The following WASHC3 variants were observed in gnomAD, a reference collection of about 807,000 sequenced individuals.
WASHC3 encodes WASH complex subunit CCDC53.
Under a neutral mutation model 26.1 loss-of-function variants are expected in WASHC3, and 24 were observed. The ratio of observed to expected loss-of-function variants is 0.92; its 90% CI spans 0.66 to 1.29. The LOEUF is 1.29. Among genes scored for constraint, WASHC3 ranks in the 50% most tolerant of loss-of-function variants. The pLI is 0.00. For missense variants in WASHC3, 214 were observed against 229.6 expected (o/e 0.93, Z 0.44); for synonymous variants, 77 against 75.7 (o/e 1.02, Z -0.09).
At chr12:102,016,982 A>G (rs1269369632) in intron 6 of WASHC3, among the ~76,000 whole-genome samples, 5 of 152,230 alleles carry the variant, frequency 3.3e-5, no homozygotes, top group Non-Finnish European at 7.3e-5. Context: ...ACAGTGGTGT[A>G]TAATAACATC....
At position 102,034,817 on chromosome 12, in the gene WASHC3, A is replaced by AGT. The variant is rs1565815325; in HGVS notation, c.435+5049_435+5050dup. Among the ~76,000 whole-genome samples, 6 of 117,718 alleles carry AGT rather than the reference A, an allele frequency of 5.1e-5. No homozygotes were observed. In the East Asian group the frequency reaches 1.4e-3, roughly 28 times the overall value. The allele number at this position is 117,718 out of a possible 152,430, so 77.2% of individuals were successfully genotyped here. A position where few individuals can be genotyped will look rare whatever the true frequency, so the allele number is the denominator to read the frequency against. ...GTGTGTGTGTGTGTGTGTGTGTGTG[A>AGT]GTATGTAAATACAGCAAATCTGAAA... On this transcript the variant is annotated intron_variant, in intron 5 of 6. Transcript: ENST00000240079.
chr12:102,055,717 T>G (rs1878568449), intron 2 of WASHC3, among the ~76,000 whole-genome samples: 1 of 152,204 alleles, frequency 6.6e-6, no homozygotes, highest in African/African-American at 2.4e-5. Context: ...AAGTTTTTGC[T>G]TTCTTTGTTT....
At chr12:102,055,199 GAA>G (rs752814436) in intron 2 of WASHC3, among the ~76,000 whole-genome samples, 3 of 152,162 alleles carry the variant, frequency 2.0e-5, no homozygotes. Context: ...TATCAGAAAC[GAA>G]AGAGATGTTA....
Position 102,013,055 on chromosome 12 carries a change from A to G in WASHC3, c.*53T>C, listed in dbSNP as rs1055960038. 3.0e-5 allele frequency: 24 copies of G among 802,036 alleles called. No homozygotes were observed. The African/African-American group carries it at 3.3e-4, about 11-fold the overall frequency. 49.7% of individuals were successfully genotyped at this position (802,036 alleles called of 1,614,324 possible). A position where few individuals can be genotyped will look rare whatever the true frequency, so the allele number is the denominator to read the frequency against. Reference sequence around the variant, plus strand: ...AGAGAGTTCAGGCTCAATCTCTTACAGAATGTAAATGTACCCCTATGCATG... The same window carrying G: ...AGAGAGTTCAGGCTCAATCTCTTACGGAATGTAAATGTACCCCTATGCATG... On this transcript the variant is annotated 3_prime_UTR_variant, in exon 7 of 7. Transcript: ENST00000240079.
intron 6 of WASHC3, 142 bp downstream of exon 6, chr12:102,025,832 C>G (rs1468160090): frequency 8.1e-6 from 5 of 616,458 alleles, no homozygotes; most frequent in Admixed American, 3.2e-5. Flanking sequence ...GGTAACATAA[C>G]AGACACACTA....
intron 6 of WASHC3, among the ~76,000 whole-genome samples, chr12:102,016,039 G>A (rs1233449003): frequency 2.0e-5 from 3 of 151,416 alleles, no homozygotes; most frequent in Admixed American, 6.6e-5. Flanking sequence ...ACAGGCATGC[G>A]CCACCACCCC....
chr12:102,025,433 G>A (rs927612800), intron 6 of WASHC3, among the ~76,000 whole-genome samples: 1 of 150,984 alleles, frequency 6.6e-6, no homozygotes, highest in Non-Finnish European at 1.5e-5. Context: ...AATACTTTAA[G>A]GTTAAAAAAA....
chr12:102,052,628 C>T (rs964368484), intron 2 of WASHC3, among the ~76,000 whole-genome samples: 1 of 152,126 alleles, frequency 6.6e-6, no homozygotes, highest in Non-Finnish European at 1.5e-5. Context: ...TTCAGGCCCA[C>T]CCCAGCACCA....
chr12:102,035,306 C>G (rs1406631786), intron 5 of WASHC3, among the ~76,000 whole-genome samples: 3 of 151,906 alleles, frequency 2.0e-5, no homozygotes, highest in Admixed American at 2.0e-4. Flanking sequence ...AACACAAAGG[C>G]CAAAATAAAT....
chr12:102,013,058 A>G lies in WASHC3; in HGVS notation c.*50T>C, dbSNP rs201798893. ...GAGTTCAGGCTCAATCTCTTACAGA[A>G]TGTAAATGTACCCCTATGCATGCAT... On this transcript the variant is annotated 3_prime_UTR_variant, in exon 7 of 7. Transcript: ENST00000240079. 1 of 816,454 alleles carries G rather than the reference A, an allele frequency of 1.2e-6. No individual in the cohort carries two copies. The highest frequency in any genetic ancestry group is 2.0e-6 in the Non-Finnish European group (1 of 494,084). The allele number at this position is 816,454 out of a possible 1,614,324, so 50.6% of individuals were successfully genotyped here. A position where few individuals can be genotyped will look rare whatever the true frequency, so the allele number is the denominator to read the frequency against.
intron 6 of WASHC3, among the ~76,000 whole-genome samples, chr12:102,014,211 T>A (rs1876604700): frequency 1.3e-5 from 2 of 149,428 alleles, no homozygotes; most frequent in African/African-American, 4.9e-5. Flanking sequence ...GCCTCCCGAG[T>A]AGAGGTGTGT....
intron 3 of WASHC3, among the ~76,000 whole-genome samples, chr12:102,045,643 A>C (rs1878129549): frequency 6.6e-6 from 1 of 152,230 alleles, no homozygotes; most frequent in South Asian, 2.1e-4. Flanking sequence ...TTAGCATTTA[A>C]GGTATCTGCA....
chr12:102,061,750 G>A (rs1489339127), intron 1 of WASHC3, among the ~76,000 whole-genome samples, 162 bp downstream of exon 1: 1 of 152,164 alleles, frequency 6.6e-6, no homozygotes, highest in East Asian at 1.9e-4. Flanking sequence ...CCCATTTCAA[G>A]GTGGACTGTG....
At chr12:102,046,529 G>A (rs1326811867) in intron 2 of WASHC3, among the ~76,000 whole-genome samples, 2 of 152,136 alleles carry the variant, frequency 1.3e-5, no homozygotes, top group South Asian at 2.1e-4. Flanking sequence ...TCTTGACCTC[G>A]TGATCTGCCT....
At chr12:102,030,969 C>A (rs1380833461) in intron 5 of WASHC3, among the ~76,000 whole-genome samples, 1 of 152,064 alleles carries the variant, frequency 6.6e-6, no homozygotes, top group South Asian at 2.1e-4. Context: ...TGCAAAAGGG[C>A]AAATACATAA....
chr12:102,043,338 C>T (rs1032445128), intron 4 of WASHC3, among the ~76,000 whole-genome samples: 14 of 152,052 alleles, frequency 9.2e-5, no homozygotes, highest in Admixed American at 4.6e-4. Flanking sequence ...AGTGTAATCT[C>T]GGTTCACTGC....
In WASHC3 at chr12:102,061,321, G is replaced by A. The variant is rs1225207829; in HGVS notation, c.77C>T (p.Thr26Met). Reference protein sequence around the residue: ...TKVPAIQQKRTVAFLNQFVVH... With the variant: ...TKVPAIQQKRMVAFLNQFVVH... ...CACAAATTGGTTTAGAAAAGCCACCGTTCTTTTCTGTTGAATAGCTGGCAC... is the reference window on the plus strand; with the variant it reads ...CACAAATTGGTTTAGAAAAGCCACCATTCTTTTCTGTTGAATAGCTGGCAC... Residue 26 changes from threonine (T) to methionine (M), a missense_variant, in exon 2 of 7, where the codon ACG becomes ATG. Transcript: ENST00000240079. 1 of 1,613,300 alleles carries A rather than the reference G, an allele frequency of 6.2e-7. No individual in the cohort carries two copies. The highest frequency in any genetic ancestry group is 1.1e-5 in the South Asian group (1 of 91,022).
chr12:102,051,543 A>G (rs1171270828), intron 2 of WASHC3, among the ~76,000 whole-genome samples: 1 of 152,250 alleles, frequency 6.6e-6, no homozygotes, highest in African/African-American at 2.4e-5. Context: ...AGGTACTTGT[A>G]CTGCACTCTC....
At chr12:102,033,029 A>G (rs900999521) in intron 5 of WASHC3, among the ~76,000 whole-genome samples, 3 of 152,146 alleles carry the variant, frequency 2.0e-5, no homozygotes, top group Non-Finnish European at 4.4e-5. Flanking sequence ...AAAGGAGTTT[A>G]TATTGATTAA....
Sources: allele counts gnomAD v4.1 joint callset (sites outside exome capture counted in the v4.1 genomes callset), GRCh38; gene constraint gnomAD v4.1.1; transcripts MANE v1.5; gene names NCBI Gene and HGNC (gene_info 2026-07-23, HGNC 2026-07-21).